The following ANKS3 variants were observed in gnomAD, a reference collection of about 807,000 sequenced individuals.
ANKS3 encodes ankyrin repeat and sterile alpha motif domain containing 3, also known as ankyrin repeat and SAM domain-containing protein 3.
A neutral mutation model predicts 80.7 loss-of-function variants in ANKS3; 62 were observed. That is an observed-to-expected ratio of 0.77 (90% CI 0.63 to 0.95). ANKS3 has a LOEUF of 0.95. Ranked by LOEUF, ANKS3 falls within the 40% of genes least tolerant of loss-of-function variation. The pLI is 0.00. For synonymous variants in ANKS3, 489 were observed against 355.3 expected, an observed-to-expected ratio of 1.38 and a Z score of -4.23; for missense variants, 1,150 against 883.6, an observed-to-expected ratio of 1.30 and a Z score of -3.82.
rs1225675260 is a variant in ANKS3 at position 4,696,941 on chromosome 16, G to A, written c.*12-45C>T. 4 of 1,334,368 alleles carry A rather than the reference G, an allele frequency of 3.0e-6. No individual in the cohort carries two copies. In the East Asian group the frequency reaches 7.2e-5, roughly 24 times the overall value. The allele number at this position is 1,334,368 out of a possible 1,614,324, so 82.7% of individuals were successfully genotyped here. ...TGAGAAGGGAGGGGGACAGGTGGGT[G>A]CATACCCACACCTGCAGCCGCCCAG... On this transcript the variant is annotated intron_variant, in intron 17 of 17. Transcript: ENST00000304283.
At chr16:4,704,431 A>ACACCT (rs772295022) in intron 8 of ANKS3, among the ~76,000 whole-genome samples, 35 of 152,222 alleles carry the variant, frequency 2.3e-4, no homozygotes, top group Admixed American at 6.5e-4. Flanking sequence ...GACATAACTC[A>ACACCT]CACCTCCAGC....
At chr16:4,702,039 T>C in intron 9 of ANKS3, 63 bp downstream of exon 9, 2 of 1,499,148 alleles carry the variant, frequency 1.3e-6, no homozygotes, top group South Asian at 1.3e-5. Context: ...TAAGTGGGGA[T>C]GGGCACACAG....
intron 6 of ANKS3, among the ~76,000 whole-genome samples, chr16:4,719,149 A>C (rs772212872): frequency 2.3e-4 from 35 of 152,022 alleles, no homozygotes; most frequent in Admixed American, 2.0e-4. Flanking sequence ...AGCCTAAGCA[A>C]CTTAGTGAGA....
chr16:4,728,932 C>G (rs1201646110), intron 3 of ANKS3, among the ~76,000 whole-genome samples: 2 of 152,168 alleles, frequency 1.3e-5, no homozygotes, highest in African/African-American at 4.8e-5. Context: ...AGGGCCACAA[C>G]TTGGGAACCG....
Position 4,728,794 on chromosome 16 carries a change from G to A in ANKS3, c.170+1186C>T, listed in dbSNP as rs187437425. ...TTAAGAGCCTGAGAATTCCAAACGT[G>A]ACCCTTTGAGGGGCCGTACTGACTG... On this transcript the variant is annotated intron_variant, in intron 3 of 17. Coordinates refer to ENST00000304283, the MANE Select transcript of ANKS3 (RefSeq NM_133450.4). Among the ~76,000 whole-genome samples the A allele has an allele frequency of 3.9e-3, 593 of 152,280 alleles. 6 individuals carry two copies. Among genetic ancestry groups the A allele is most frequent in the Non-Finnish European group, 7.1e-3 (485 of 68,028 alleles).
At chr16:4,728,473 C>G (rs1013481966) in intron 3 of ANKS3, among the ~76,000 whole-genome samples, 4 of 152,118 alleles carry the variant, frequency 2.6e-5, no homozygotes, top group African/African-American at 9.7e-5. Flanking sequence ...CAGCCCCTGG[C>G]CAGGGGGGCT....
chr16:4,727,286 G>A (rs924287814), intron 3 of ANKS3, 109 bp from the exon 4 acceptor site: 2 of 1,107,610 alleles, frequency 1.8e-6, no homozygotes, highest in African/African-American at 3.1e-5. Context: ...GGAAGCAGAA[G>A]TTATCTGCCA....
At chr16:4,701,666 T>C in intron 9 of ANKS3, 123 bp from the exon 10 acceptor site, 1 of 772,304 alleles carries the variant, frequency 1.3e-6, no homozygotes, top group Non-Finnish European at 2.0e-6. Flanking sequence ...TGCTTCCTTA[T>C]ATTTCAAACT....
intron 8 of ANKS3, among the ~76,000 whole-genome samples, chr16:4,703,107 A>G (rs778711155): frequency 2.6e-5 from 4 of 152,190 alleles, no homozygotes; most frequent in Non-Finnish European, 4.4e-5. Context: ...CATGCTATTT[A>G]TCATTGCCCC....
At chr16:4,731,175 G>A (rs974371444) in intron 2 of ANKS3, among the ~76,000 whole-genome samples, 4 of 152,232 alleles carry the variant, frequency 2.6e-5, no homozygotes, top group Non-Finnish European at 5.9e-5. Flanking sequence ...GGGGCAGAGA[G>A]GGAATTTGGG....
Position 4,726,971 on chromosome 16 carries a change from T to C in ANKS3, c.369+8A>G. 1 of 1,613,950 alleles carries C rather than the reference T, an allele frequency of 6.2e-7. No homozygotes were observed. On this transcript the variant is annotated splice_region_variant and intron_variant, in intron 4 of 17. Coordinates refer to ENST00000304283, the MANE Select transcript of ANKS3 (RefSeq NM_133450.4). ...AGGTTTCTGGGCCTGAGTTCCCTCGTAGCTCACCTGGAGAAGAAAGTAGGC... is the reference window on the plus strand; with the variant it reads ...AGGTTTCTGGGCCTGAGTTCCCTCGCAGCTCACCTGGAGAAGAAAGTAGGC...
intron 7 of ANKS3, among the ~76,000 whole-genome samples, chr16:4,712,887 A>G (rs781237022): frequency 3.3e-5 from 5 of 152,176 alleles, no homozygotes; most frequent in Non-Finnish European, 7.3e-5. Flanking sequence ...CTTAAAGATT[A>G]TATGTTAGTA....
chr16:4,700,754 G>T (rs767267948), intron 11 of ANKS3: 2 of 755,304 alleles, frequency 2.6e-6, no homozygotes, highest in South Asian at 2.8e-5. Context: ...AGGGAGACAG[G>T]TCCTTTCCGT....
intron 6 of ANKS3, among the ~76,000 whole-genome samples, chr16:4,722,162 T>G (rs1278042621): frequency 6.6e-6 from 1 of 151,316 alleles, no homozygotes; most frequent in East Asian, 1.9e-4. Flanking sequence ...TGTCCCAAAA[T>G]TCTTTGTTAA....
intron 4 of ANKS3, 94 bp downstream of exon 4, chr16:4,726,885 C>T (rs1043074810): frequency 3.1e-6 from 5 of 1,599,424 alleles, no homozygotes; most frequent in Admixed American, 1.7e-5. Flanking sequence ...TACACGAGCA[C>T]ACACGAACAC....
chr16:4,725,435 T>A (rs1338818876), intron 5 of ANKS3, among the ~76,000 whole-genome samples: 5 of 152,184 alleles, frequency 3.3e-5, no homozygotes, highest in African/African-American at 1.2e-4. Context: ...TATTTTAACA[T>A]CTCTCAAGTC....
rs190124297 is a variant in ANKS3, at chr16:4,719,834, C to T, written c.573+4916G>A. ...TAAAAAATACAAAAATAATTATTTG[C>T]AGAAAAAGAAACCCAAATGGCCAGG... is the stretch of plus-strand genomic sequence containing the variant. On this transcript the variant is annotated intron_variant, in intron 6 of 17. Transcript: ENST00000304283. Among the ~76,000 whole-genome samples, 7 of 151,930 alleles carry T rather than the reference C, an allele frequency of 4.6e-5. No homozygotes were observed. In the East Asian group the frequency reaches 1.4e-3, roughly 29 times the overall value.
intron 5 of ANKS3, among the ~76,000 whole-genome samples, chr16:4,725,576 C>T (rs909529034): frequency 6.6e-5 from 10 of 152,190 alleles, no homozygotes; most frequent in Non-Finnish European, 1.3e-4. Context: ...CATTGGTACC[C>T]GCTGCGTTTG....
At chr16:4,722,513 T>G (rs779996976) in intron 6 of ANKS3, among the ~76,000 whole-genome samples, 36 of 148,670 alleles carry the variant, frequency 2.4e-4, no homozygotes, top group East Asian at 5.9e-4. Flanking sequence ...GAGGTGGAGG[T>G]TGCAGTGAGC....
Sources: gnomAD v4.1 joint callset for allele counts (sites outside exome capture counted in the v4.1 genomes callset) on GRCh38, gnomAD v4.1.1 for gene constraint, MANE v1.5 for transcripts, NCBI Gene and HGNC (gene_info 2026-07-23, HGNC 2026-07-21) for gene names.